Variants in MBNL3 observed in about 807,000 individuals in gnomAD.
MBNL3 encodes the protein muscleblind-like protein 3.
In MBNL3, 6 loss-of-function variants were observed where a neutral mutation model predicts 24.5. The ratio of observed to expected loss-of-function variants is 0.25; its 90% CI spans 0.13 to 0.48. MBNL3 has a LOEUF of 0.48. Ranked by LOEUF, MBNL3 falls within the 20% of genes least tolerant of loss-of-function variation. The probability of loss-of-function intolerance (pLI) is 0.99; values close to 1 mark genes in which losing one functional copy is unlikely to be tolerated. For synonymous variants in MBNL3, 100 were observed against 101.7 expected, an observed-to-expected ratio of 0.98 and a Z score of 0.10; for missense variants, 230 against 293.5, an observed-to-expected ratio of 0.78 and a Z score of 1.58.
Position 132,370,235 on chromosome X carries a change from T to C in MBNL3, c.*9431A>G, listed in dbSNP as rs1159808857. 2 of 111,979 alleles carry C rather than the reference T, an allele frequency of 1.8e-5. No homozygotes were observed. Among genetic ancestry groups the C allele is most frequent in the Admixed American group, 1.9e-4 (2 of 10,565 alleles). The allele number at this position is 111,979 out of a possible 1,213,427, so 9.2% of individuals were successfully genotyped here. A position where few individuals can be genotyped will look rare whatever the true frequency, so the allele number is the denominator to read the frequency against. On this transcript the variant is annotated 3_prime_UTR_variant, in exon 9 of 9. Transcript: ENST00000370853. ...TCCATCTGTTAAAGTTTAACAAATA[T>C]AGGCTTTAAATTACTCCAGAATTAT...
At chrX:132,390,394 C>T (rs1185089411) in intron 5 of MBNL3, among the ~76,000 whole-genome samples, 1 of 109,376 alleles carries the variant, frequency 9.1e-6, no homozygotes, top group South Asian at 4.0e-4. Flanking sequence ...GTGGCCTTAA[C>T]CTTTAGGAAA....
At chrX:132,427,371 G>C (rs1013022901) in intron 2 of MBNL3, among the ~76,000 whole-genome samples, 24 of 110,727 alleles carry the variant, frequency 2.2e-4, no homozygotes, top group African/African-American at 7.5e-4. Context: ...ACTTTTTTTG[G>C]TTAGTAAAAA....
At chrX:132,477,236 C>T (rs928710334) in intron 1 of MBNL3, among the ~76,000 whole-genome samples, 1 of 111,892 alleles carries the variant, frequency 8.9e-6, no homozygotes. Flanking sequence ...TTGCTAATTA[C>T]ACAATCAGTA....
At chrX:132,391,560 G>A (rs1466559165) in intron 4 of MBNL3, among the ~76,000 whole-genome samples, 4 of 111,995 alleles carry the variant, frequency 3.6e-5, no homozygotes, top group Non-Finnish European at 5.6e-5. Context: ...GACTTTGTAA[G>A]GAAAGACTAG....
intron 3 of MBNL3, among the ~76,000 whole-genome samples, chrX:132,399,297 G>A (rs776014197): frequency 3.8e-4 from 42 of 111,004 alleles, no homozygotes; most frequent in African/African-American, 1.4e-3. Context: ...TGAATTGCTA[G>A]ATCAAACAGT....
At chrX:132,440,835 T>C (rs1248299406) in intron 1 of MBNL3, among the ~76,000 whole-genome samples, 1 of 112,880 alleles carries the variant, frequency 8.9e-6, no homozygotes, top group African/African-American at 3.2e-5. Flanking sequence ...AAGGTTAATT[T>C]ATTGGCATAT....
intron 1 of MBNL3, among the ~76,000 whole-genome samples, chrX:132,475,682 G>T (rs1024468263): frequency 5.5e-4 from 61 of 111,750 alleles, no homozygotes; most frequent in South Asian, 7.5e-4. Flanking sequence ...GAAAATGGGG[G>T]TTCAAATTTT....
intron 1 of MBNL3, among the ~76,000 whole-genome samples, chrX:132,460,587 A>G (rs997099595): frequency 8.9e-5 from 10 of 112,477 alleles, no homozygotes; most frequent in Non-Finnish European, 1.5e-4. Context: ...TCTGGCACAG[A>G]GTAAATACTA....
intron 7 of MBNL3, among the ~76,000 whole-genome samples, chrX:132,384,289 C>T (rs1237760902): frequency 8.9e-6 from 1 of 112,340 alleles, no homozygotes; most frequent in Non-Finnish European, 1.9e-5. Context: ...TTTCATTGTA[C>T]TTTACAAGTT....
chrX:132,390,265 C>CAAAAAAAAAA (rs59093044), intron 5 of MBNL3, among the ~76,000 whole-genome samples: 1 of 31,613 alleles, frequency 3.2e-5, no homozygotes, highest in Non-Finnish European at 5.3e-5. Flanking sequence ...ACAACAACAA[C>CAAAAAAAAAA]AAAAAAAAAA....
chrX:132,374,285 T>A lies in MBNL3; in HGVS notation c.*5381A>T, dbSNP rs1330943556. 3 of 5,927 alleles carry A rather than the reference T, an allele frequency of 5.1e-4. No individual in the cohort carries two copies. The highest frequency in any genetic ancestry group is 9.7e-4 in the Non-Finnish European group (3 of 3,101). The allele number at this position is 5,927 out of a possible 1,213,427, so 0.5% of individuals were successfully genotyped here. ...AAAACTTGTTCTAGAAACTGCCCGG[T>A]GTGTGTGTGTGTGTGTGTGTGTGCA... On this transcript the variant is annotated 3_prime_UTR_variant, in exon 9 of 9. Coordinates refer to ENST00000370853, the MANE Select transcript of MBNL3 (RefSeq NM_001386889.1).
At chrX:132,485,571 G>C (rs1947964535) in intron 1 of MBNL3, among the ~76,000 whole-genome samples, 1 of 112,255 alleles carries the variant, frequency 8.9e-6, no homozygotes, top group African/African-American at 3.2e-5. Context: ...GCTATCTTGA[G>C]GCAATAGATA....
intron 1 of MBNL3, among the ~76,000 whole-genome samples, chrX:132,450,721 G>C (rs1000371540): frequency 8.9e-6 from 1 of 111,898 alleles, no homozygotes; most frequent in African/African-American, 3.3e-5. Context: ...GCGAGGAGTT[G>C]TGATCCTTTG....
chrX:132,472,083 T>C (rs980730498), intron 1 of MBNL3, among the ~76,000 whole-genome samples: 8 of 112,301 alleles, frequency 7.1e-5, no homozygotes, highest in Non-Finnish European at 3.8e-5. Context: ...CTTTTTTTCA[T>C]GTGAAATTGT....
At chrX:132,381,231 A>G (rs1267071547) in intron 8 of MBNL3, 1 of 376,326 alleles carries the variant, frequency 2.7e-6, no homozygotes, top group Admixed American at 5.5e-5. Context: ...TAATGTGTAA[A>G]TCAAGCTCTA....
intron 8 of MBNL3, among the ~76,000 whole-genome samples, chrX:132,380,309 A>G (rs967558563): frequency 8.9e-6 from 1 of 112,178 alleles, no homozygotes; most frequent in Non-Finnish European, 1.9e-5. Context: ...AAAGCAGCCC[A>G]TGAAAGTTGG....
At chrX:132,379,990 G>T (rs904479086) in intron 8 of MBNL3, among the ~76,000 whole-genome samples, 1 of 112,390 alleles carries the variant, frequency 8.9e-6, no homozygotes, top group Non-Finnish European at 1.9e-5. Context: ...CCTTTCAACA[G>T]GCATGTACTG....
At chrX:132,442,803 G>A (rs1436121228) in intron 1 of MBNL3, among the ~76,000 whole-genome samples, 1 of 111,944 alleles carries the variant, frequency 8.9e-6, no homozygotes, top group East Asian at 2.8e-4. Context: ...TGAAGCCCTG[G>A]CCAATTCTTC....
intron 1 of MBNL3, among the ~76,000 whole-genome samples, chrX:132,474,747 AC>A (rs1334584127): frequency 9.0e-6 from 1 of 111,022 alleles, no homozygotes; most frequent in Non-Finnish European, 1.9e-5. Flanking sequence ...TAATAAGAAA[AC>A]CCTTCCTTCC....
Sources: allele counts gnomAD v4.1 joint callset (sites outside exome capture counted in the v4.1 genomes callset), GRCh38; gene constraint gnomAD v4.1.1; transcripts MANE v1.5; gene names NCBI Gene and HGNC (gene_info 2026-07-23, HGNC 2026-07-21).